UROC1: variants seen among roughly 807,000 people sequenced by gnomAD.
UROC1 encodes the protein urocanate hydratase.
Under a neutral mutation model 89.5 loss-of-function variants are expected in UROC1, and 79 were observed. The observed-to-expected ratio is 0.88, with a 90% CI of 0.74 to 1.06. The LOEUF is 1.06. Ranked by LOEUF, UROC1 falls within the 50% of genes least tolerant of loss-of-function variation. The probability of loss-of-function intolerance (pLI) is 0.00; values close to 1 mark genes in which losing one functional copy is unlikely to be tolerated. For synonymous variants in UROC1, 361 were observed against 354.8 expected (o/e 1.02, Z -0.20); for missense variants, 885 against 907.8 (o/e 0.97, Z 0.32).
chr3:126,496,329 C>T (rs780830007), intron 14 of UROC1, among the ~76,000 whole-genome samples: 22 of 152,090 alleles, frequency 1.4e-4, no homozygotes, highest in Admixed American at 3.9e-4. Flanking sequence ...CAGCGCACTG[C>T]CTGATGCACT....
chr3:126,482,369 C>T lies in UROC1; in HGVS notation c.2007G>A (p.Val669=). ...TLPHKVEDER[V]LQQALQL ...CTCAGAGCTGCAGGGCCTGCTGGAG[C>T]ACCCGCTCGTCCTCCACCTTGTGAG... The change falls in exon 20 of 20, where the codon GTG becomes GTA. Residue 669 remains valine (V), a synonymous_variant. Transcript: ENST00000290868. The T allele has an allele frequency of 1.2e-6, 2 of 1,613,502 alleles. No homozygotes were observed. The highest frequency in any genetic ancestry group is 1.7e-6 in the Non-Finnish European group (2 of 1,179,904).
rs1340852796 is a variant in UROC1 at position 126,488,225 on chromosome 3, G to A, written c.1763C>T (p.Ala588Val). 5 of 1,614,094 alleles carry A rather than the reference G, an allele frequency of 3.1e-6. No individual in the cohort carries two copies. The Admixed American group carries it at 8.3e-5, about 27-fold the overall frequency. Residue 588 changes from alanine to valine, a missense_variant, in exon 18 of 20, where the codon GCC becomes GTC. By Grantham distance (64) the Ala-to-Val change is moderately conservative. Transcript: ENST00000290868. ...GDACRGATWVALHNGGGVGWG... is the reference protein window; with the variant it reads ...GDACRGATWVVLHNGGGVGWG... ...GCCCACGCCCCCTCCGTTGTGAAGG[G>A]CGACCCAGGTGGCTCCGCGACAGGC... is the stretch of plus-strand genomic sequence containing the variant.
intron 18 of UROC1, among the ~76,000 whole-genome samples, chr3:126,487,110 C>T (rs1935536549): frequency 6.6e-6 from 1 of 152,172 alleles, no homozygotes; most frequent in African/African-American, 2.4e-5. Flanking sequence ...TGAATTCTGG[C>T]CCTGCTGTCC....
At position 126,510,804 on chromosome 3, in the gene UROC1, G is replaced by C; in HGVS notation, c.127-10C>G. On this transcript the variant is annotated splice_polypyrimidine_tract_variant and intron_variant, in intron 1 of 19. Coordinates refer to ENST00000290868, the MANE Select transcript of UROC1 (RefSeq NM_144639.3). ...CGTTCCTCAGCGCCAGCTGGGGTAG[G>C]AGAGCGGAGAGGCAGTCGGGGCTGG... 1 of 1,611,832 alleles carries C rather than the reference G, an allele frequency of 6.2e-7. No individual in the cohort carries two copies. The highest frequency in any genetic ancestry group is 1.1e-5 in the South Asian group (1 of 91,076).
In UROC1 at chr3:126,504,092, A is replaced by T. The variant is rs1160931904; in HGVS notation, c.814-9T>A. ...AGGGCTGCTTTATCCACCTGGGGCC[A>T]TGAGACATGGGGCCACGAGACATGG... On this transcript the variant is annotated splice_polypyrimidine_tract_variant and intron_variant, in intron 8 of 19. Coordinates refer to ENST00000290868, the MANE Select transcript of UROC1 (RefSeq NM_144639.3). 6.2e-7 allele frequency: 1 copy of T among 1,613,928 alleles called. No homozygotes were observed. Among genetic ancestry groups the T allele is most frequent in the Non-Finnish European group, 8.5e-7 (1 of 1,179,992 alleles).
At position 126,489,264 on chromosome 3, in the gene UROC1, C is replaced by T. The variant is rs760905530; in HGVS notation, c.1708+12G>A. 4 of 1,604,984 alleles carry T rather than the reference C, an allele frequency of 2.5e-6. No homozygotes were observed. The highest frequency in any genetic ancestry group is 2.7e-5 in the African/African-American group (2 of 74,724). On this transcript the variant is annotated intron_variant, in intron 17 of 19. Coordinates refer to ENST00000290868, the MANE Select transcript of UROC1 (RefSeq NM_144639.3). ...CTAAGATGAAAGTTTAAGACATTCT[C>T]ATCTTCCTCACCTGCACAGAAGGCA... is the stretch of plus-strand genomic sequence containing the variant.
chr3:126,508,165 G>A lies in UROC1; in HGVS notation c.412-70C>T, dbSNP rs570641887. The A allele has an allele frequency of 2.9e-4, 467 of 1,611,216 alleles. No individual in the cohort carries two copies. In the East Asian group the frequency reaches 3.9e-3, roughly 13 times the overall value. On this transcript the variant is annotated intron_variant, in intron 4 of 19. Coordinates refer to ENST00000290868, the MANE Select transcript of UROC1 (RefSeq NM_144639.3). ...ACCCCACACCCAGCCCCACACCACC[G>A]TCCACGCCTGGACAGCTCCCACAGG...
At chr3:126,498,448 C>G (rs72979990) in intron 13 of UROC1, among the ~76,000 whole-genome samples, 5,189 of 152,272 alleles carry the variant, frequency 0.034, 293 homozygotes, top group African/African-American at 0.12. Flanking sequence ...ATTGCTGTTA[C>G]AGATGACAAG....
At chr3:126,502,227 T>C (rs1454477249) in intron 9 of UROC1, among the ~76,000 whole-genome samples, 1 of 151,894 alleles carries the variant, frequency 6.6e-6, no homozygotes, top group Non-Finnish European at 1.5e-5. Context: ...TGTGTGTTTA[T>C]GGTGTGTGCA....
intron 3 of UROC1, among the ~76,000 whole-genome samples, chr3:126,509,105 G>T (rs138135325): frequency 1.6e-3 from 239 of 151,728 alleles, no homozygotes; most frequent in African/African-American, 5.6e-3. Flanking sequence ...GCATGGTGGC[G>T]GGTGCCTGTA....
At chr3:126,500,302 T>C in intron 11 of UROC1, 148 bp from the exon 12 acceptor site, 1 of 774,874 alleles carries the variant, frequency 1.3e-6, no homozygotes, top group Non-Finnish European at 2.2e-6. Context: ...ACCACACACC[T>C]GGAATGCCCC....
intron 1 of UROC1, among the ~76,000 whole-genome samples, chr3:126,511,048 C>A (rs1936184109): frequency 6.6e-6 from 1 of 152,078 alleles, no homozygotes; most frequent in Admixed American, 6.5e-5. Flanking sequence ...TACGGTGAAC[C>A]ATCTCCTGTT....
chr3:126,503,891 G>T (rs923064946), intron 9 of UROC1, 104 bp downstream of exon 9: 17 of 1,226,022 alleles, frequency 1.4e-5, no homozygotes, highest in Admixed American at 8.4e-5. Context: ...CAGCTGTCAG[G>T]CATTAAACAG....
intron 16 of UROC1, among the ~76,000 whole-genome samples, chr3:126,491,727 C>A (rs974437783): frequency 1.3e-5 from 2 of 152,246 alleles, no homozygotes; most frequent in African/African-American, 4.8e-5. Flanking sequence ...CCCAGGGTTC[C>A]GTCCTCGAGA....
Position 126,501,738 on chromosome 3 carries a change from A to G in UROC1, c.903-458T>C, listed in dbSNP as rs534197766. On this transcript the variant is annotated intron_variant, in intron 9 of 19. Transcript: ENST00000290868. ...AGGCCTTGCAGGTAGTAGAGATATC[A>G]AAAAGCAGCAATGCACAGGGAAGGT... 262 of 1,560,812 alleles carry G rather than the reference A, an allele frequency of 1.7e-4. 3 individuals are homozygous for G. The South Asian group carries it at 2.8e-3, about 17-fold the overall frequency.
At chr3:126,499,611 T>C (rs1935867257) in intron 12 of UROC1, among the ~76,000 whole-genome samples, 1 of 152,236 alleles carries the variant, frequency 6.6e-6, no homozygotes, top group African/African-American at 2.4e-5. Context: ...GCGCTTGCCA[T>C]GGACGCTGTG....
At chr3:126,502,676 T>C (rs568697784) in intron 9 of UROC1, among the ~76,000 whole-genome samples, 2 of 151,816 alleles carry the variant, frequency 1.3e-5, no homozygotes, top group South Asian at 4.2e-4. Flanking sequence ...TGTGCATGCA[T>C]GTGTTGTGTG....
Position 126,507,773 on chromosome 3 carries a change from AC to A in UROC1, c.570del (p.Glu190AspfsTer16). 1 of 1,614,008 alleles carries A rather than the reference AC, an allele frequency of 6.2e-7. No homozygotes were observed. Among genetic ancestry groups the A allele is most frequent in the Middle Eastern group, 1.6e-4 (1 of 6,062 alleles). ...ACCCCCAAGGCAAAGAGCTTCTCATACTCCGTCCGGGAGGAGTAGTTGGGAA... is the reference window on the plus strand; with the variant it reads ...ACCCCCAAGGCAAAGAGCTTCTCATATCCGTCCGGGAGGAGTAGTTGGGAA... The part of the protein sequence containing the change: ...MVIPNYSSRT[E>X]YEKLFALGVT... On this transcript the variant is annotated frameshift_variant, in exon 6 of 20. Coordinates refer to ENST00000290868, the MANE Select transcript of UROC1 (RefSeq NM_144639.3). LOFTEE classifies it high-confidence loss of function.
chr3:126,514,450 T>C (rs1289890932), intron 1 of UROC1, among the ~76,000 whole-genome samples: 2 of 152,142 alleles, frequency 1.3e-5, no homozygotes, highest in East Asian at 3.9e-4. Flanking sequence ...GTGAGAGCTG[T>C]GTCGGGCGCA....
Sources: gnomAD v4.1 joint callset for allele counts (sites outside exome capture counted in the v4.1 genomes callset) on GRCh38, gnomAD v4.1.1 for gene constraint, MANE v1.5 for transcripts, NCBI Gene and HGNC (gene_info 2026-07-23, HGNC 2026-07-21) for gene names.